Variants in CDYL2 observed in about 807,000 individuals in gnomAD.
The protein encoded by CDYL2 is chromodomain Y like 2.
Under a neutral mutation model 49.4 loss-of-function variants are expected in CDYL2, and 23 were observed. The ratio of observed to expected loss-of-function variants is 0.47; its 90% CI spans 0.34 to 0.66. The LOEUF (loss-of-function observed/expected upper bound fraction) is 0.66, where lower values mean the gene tolerates loss of function less well. Among genes scored for constraint, CDYL2 ranks in the 30% least tolerant of loss-of-function variants. The pLI is 0.01. For missense variants in CDYL2, 678 were observed against 656.4 expected, an observed-to-expected ratio of 1.03 and a Z score of -0.36; for synonymous variants, 360 against 268.8, an observed-to-expected ratio of 1.34 and a Z score of -3.32.
chr16:80,723,204 T>C (rs539988006), intron 1 of CDYL2, among the ~76,000 whole-genome samples: 1 of 152,272 alleles, frequency 6.6e-6, no homozygotes, highest in South Asian at 2.1e-4. Context: ...CAAGAAGCCA[T>C]CTCAAGGCAT....
In CDYL2 at chr16:80,776,943, G is replaced by A. The variant is rs779835622; in HGVS notation, c.24+27207C>T. Among the ~76,000 whole-genome samples, 25 of 151,298 alleles carry A rather than the reference G, an allele frequency of 1.7e-4. 1 individual carries two copies. The highest frequency in any genetic ancestry group is 3.9e-4 in the East Asian group (2 of 5,156). ...AGCCATTCTCCTGCCTCGGCCTCCC[G>A]AATAGCTGGGACTACAGGCGCACGC... On this transcript the variant is annotated intron_variant, in intron 1 of 6. Coordinates refer to ENST00000570137, the MANE Select transcript of CDYL2 (RefSeq NM_152342.4).
chr16:80,738,087 A>T (rs538464193), intron 1 of CDYL2, among the ~76,000 whole-genome samples: 2 of 147,406 alleles, frequency 1.4e-5, no homozygotes, highest in African/African-American at 5.0e-5. Context: ...CTCACTGTTC[A>T]ACTCCCACTA....
intron 1 of CDYL2, among the ~76,000 whole-genome samples, chr16:80,731,346 C>A (rs548297449): frequency 6.6e-6 from 1 of 151,984 alleles, no homozygotes; most frequent in African/African-American, 2.4e-5. Context: ...AGAGGAAATG[C>A]AAGAAATTTA....
intron 1 of CDYL2, among the ~76,000 whole-genome samples, chr16:80,701,235 T>G (rs1483248897): frequency 6.6e-6 from 1 of 152,222 alleles, no homozygotes; most frequent in Non-Finnish European, 1.5e-5. Context: ...ATGATCCCAT[T>G]TATGTCAAAA....
chr16:80,760,000 C>T (rs546902126), intron 1 of CDYL2, among the ~76,000 whole-genome samples: 1 of 152,298 alleles, frequency 6.6e-6, no homozygotes, highest in South Asian at 2.1e-4. Context: ...AAAACCTTTT[C>T]AGACATTAGT....
intron 1 of CDYL2, among the ~76,000 whole-genome samples, chr16:80,686,804 G>A (rs1567571307): frequency 6.6e-6 from 1 of 152,082 alleles, no homozygotes; most frequent in African/African-American, 2.4e-5. Context: ...TTATAATACT[G>A]CCTCTTCATA....
intron 1 of CDYL2, among the ~76,000 whole-genome samples, chr16:80,704,263 T>G (rs2142504353): frequency 6.6e-6 from 1 of 152,330 alleles, no homozygotes; most frequent in Middle Eastern, 3.4e-3. Context: ...ACAGAAGCAC[T>G]TGGCAAATTG....
chr16:80,650,221 T>A (rs1179084392), intron 2 of CDYL2, among the ~76,000 whole-genome samples: 1 of 152,178 alleles, frequency 6.6e-6, no homozygotes, highest in East Asian at 1.9e-4. Context: ...ACTATCCATC[T>A]GACAAGGGAT....
At chr16:80,794,170 A>C (rs1344787875) in intron 1 of CDYL2, among the ~76,000 whole-genome samples, 4 of 152,226 alleles carry the variant, frequency 2.6e-5, no homozygotes, top group Non-Finnish European at 5.9e-5. Flanking sequence ...CAGTCTTCTC[A>C]ATAAACCGCA....
At chr16:80,748,788 T>C (rs922353399) in intron 1 of CDYL2, among the ~76,000 whole-genome samples, 2 of 152,132 alleles carry the variant, frequency 1.3e-5, no homozygotes, top group Admixed American at 6.5e-5. Flanking sequence ...ATCCCTGTCC[T>C]TGAGCTGCCC....
intron 1 of CDYL2, among the ~76,000 whole-genome samples, chr16:80,747,822 G>A (rs1168572855): frequency 1.3e-5 from 2 of 151,984 alleles, no homozygotes; most frequent in African/African-American, 2.4e-5. Flanking sequence ...ACCTATTTAT[G>A]GCTTCCTCTG....
intron 1 of CDYL2, among the ~76,000 whole-genome samples, chr16:80,687,711 C>T (rs559165350): frequency 5.3e-5 from 8 of 152,098 alleles, no homozygotes; most frequent in East Asian, 1.9e-4. Context: ...TGTAACAAAA[C>T]GATCTGTTTT....
In CDYL2 at chr16:80,706,837, C is replaced by T. The variant is rs116391323; in HGVS notation, c.25-21708G>A. Among the ~76,000 whole-genome samples the T allele has an allele frequency of 4.2e-3, 636 of 152,252 alleles. 7 individuals carry two copies. The highest frequency in any genetic ancestry group is 0.015 in the African/African-American group (618 of 41,540). On this transcript the variant is annotated intron_variant, in intron 1 of 6. Coordinates refer to ENST00000570137, the MANE Select transcript of CDYL2 (RefSeq NM_152342.4). ...CATCACGGGAAGGCAGAAGATAGGC[C>T]GGTCTCATTCATGAGAACAGAGGTA...
chr16:80,747,595 C>A (rs1473094981), intron 1 of CDYL2, among the ~76,000 whole-genome samples: 1 of 152,114 alleles, frequency 6.6e-6, no homozygotes, highest in East Asian at 1.9e-4. Context: ...AATGGGGTGG[C>A]AGCTTCCCCT....
intron 1 of CDYL2, among the ~76,000 whole-genome samples, chr16:80,775,486 A>T (rs370242521): frequency 2.0e-5 from 3 of 151,910 alleles, no homozygotes; most frequent in South Asian, 2.1e-4. Flanking sequence ...AATTCTAGAC[A>T]TTGGTAGAAA....
In CDYL2 at chr16:80,759,129, TATATATATATGGTTTATATAA is replaced by T. The variant is rs1567597515; in HGVS notation, c.24+45000_24+45020del. Reference sequence around the variant, plus strand: ...ATATATATATATATATATATATATATATATATATATGGTTTATATAAATATATGGTTTATATATATATATAT... The same window carrying T: ...ATATATATATATATATATATATATATATATATGGTTTATATATATATATAT... On this transcript the variant is annotated intron_variant, in intron 1 of 6. Coordinates refer to ENST00000570137, the MANE Select transcript of CDYL2 (RefSeq NM_152342.4). Among the ~76,000 whole-genome samples, 9 of 135,524 alleles carry T rather than the reference TATATATATATGGTTTATATAA, an allele frequency of 6.6e-5. No homozygotes were observed. The South Asian group carries it at 2.1e-3, about 32-fold the overall frequency. The allele number at this position is 135,524 out of a possible 152,430, so 88.9% of individuals were successfully genotyped here.
At chr16:80,683,910 T>C (rs1277729709) in intron 2 of CDYL2, among the ~76,000 whole-genome samples, 1 of 152,224 alleles carries the variant, frequency 6.6e-6, no homozygotes, top group Non-Finnish European at 1.5e-5. Flanking sequence ...TTTCCATTTT[T>C]CATAAATTAC....
At chr16:80,736,963 G>A (rs1186519048) in intron 1 of CDYL2, among the ~76,000 whole-genome samples, 1 of 152,126 alleles carries the variant, frequency 6.6e-6, no homozygotes, top group African/African-American at 2.4e-5. Flanking sequence ...TATATTACAT[G>A]ATGCATCGTA....
intron 1 of CDYL2, among the ~76,000 whole-genome samples, chr16:80,703,642 C>A (rs370747322): frequency 5.9e-5 from 9 of 152,152 alleles, no homozygotes; most frequent in African/African-American, 1.7e-4. Flanking sequence ...TACCATGCAT[C>A]ACACTCTGGC....
Sources: gnomAD v4.1 joint callset for allele counts (sites outside exome capture counted in the v4.1 genomes callset) on GRCh38, gnomAD v4.1.1 for gene constraint, MANE v1.5 for transcripts, NCBI Gene and HGNC (gene_info 2026-07-23, HGNC 2026-07-21) for gene names.